Variants in TTLL6 observed in about 807,000 individuals in gnomAD.
The protein encoded by TTLL6 is tubulin tyrosine ligase like 6.
A neutral mutation model predicts 96.4 loss-of-function variants in TTLL6; 75 were observed. The observed-to-expected ratio is 0.78, with a 90% confidence interval of 0.65 to 0.94. TTLL6 has a LOEUF of 0.94. TTLL6 is among the 40% of genes least tolerant of loss of function. The pLI is 0.00. For synonymous variants in TTLL6, 411 were observed against 419.4 expected, an observed-to-expected ratio of 0.98 and a Z score of 0.24; for missense variants, 1,030 against 1,093.0, an observed-to-expected ratio of 0.94 and a Z score of 0.81.
chr17:48,801,580 T>C lies in TTLL6; in HGVS notation c.425A>G (p.Tyr142Cys), dbSNP rs1567733121. The C allele has an allele frequency of 2.6e-6, 4 of 1,551,772 alleles. No individual in the cohort carries two copies. Among genetic ancestry groups the C allele is most frequent in the South Asian group, 2.4e-5 (2 of 84,058 alleles). The change falls in exon 4 of 16, where the codon TAT becomes TGT. Residue 142 changes from tyrosine (Y) to cysteine (C), a missense_variant. By Grantham distance (194) the Tyr-to-Cys change is radical (BLOSUM62 -2). Transcript: ENST00000393382. ...EGGEDDDWTL[Y>C]WTDYSVSLER... The stretch of plus-strand genomic sequence containing the variant: ...CAGTGACACTGAGTAATCTGTCCAA[T>C]AGAGAGTCCAGTCATCGTCTTCCCC...
Position 48,768,739 on chromosome 17 carries a change from C to A in TTLL6, c.*250G>T, listed in dbSNP as rs140546880. 5.0e-3 allele frequency among the ~76,000 whole-genome samples: 755 copies of A among 152,110 alleles called. 5 individuals carry two copies. The highest frequency in any genetic ancestry group is 0.017 in the African/African-American group (698 of 41,480). ...AATTTTTTGTAGAGATGGGGTCTCCCTTATGTTGCCCAGGCTGGTCTCAAA... is the reference window on the plus strand; with the variant it reads ...AATTTTTTGTAGAGATGGGGTCTCCATTATGTTGCCCAGGCTGGTCTCAAA... On this transcript the variant is annotated intron_variant, in intron 15 of 15. Transcript: ENST00000393382.
intron 2 of TTLL6, 157 bp from the exon 3 acceptor site, chr17:48,804,085 T>A: frequency 2.8e-6 from 2 of 725,232 alleles, no homozygotes; most frequent in Non-Finnish European, 4.7e-6. Context: ...AGGACACGAG[T>A]CCAAGGGGGT....
chr17:48,805,827 AG>A (rs58988191), intron 1 of TTLL6, among the ~76,000 whole-genome samples: 1 of 151,818 alleles, frequency 6.6e-6, no homozygotes, highest in Admixed American at 6.6e-5. Context: ...ACAAAAAAAA[AG>A]GCTAGGCGCA....
At chr17:48,764,097 C>T (rs2038545051) in intron 15 of TTLL6, among the ~76,000 whole-genome samples, 1 of 152,062 alleles carries the variant, frequency 6.6e-6, no homozygotes, top group Admixed American at 6.5e-5. Context: ...GATAGTGCCA[C>T]TGCACTCCAG....
intron 1 of TTLL6, among the ~76,000 whole-genome samples, chr17:48,809,051 C>T (rs185094214): frequency 6.6e-6 from 1 of 152,228 alleles, no homozygotes; most frequent in Admixed American, 6.5e-5. Flanking sequence ...GTTCTCTGGG[C>T]TTTTCAAAGA....
intron 1 of TTLL6, among the ~76,000 whole-genome samples, chr17:48,807,985 C>T (rs1464491982): frequency 6.6e-6 from 1 of 151,928 alleles, no homozygotes; most frequent in African/African-American, 2.4e-5. Flanking sequence ...ATTACAGGCG[C>T]CCGCCACCAC....
chr17:48,768,087 A>G (rs924770015), intron 15 of TTLL6, among the ~76,000 whole-genome samples: 1 of 152,000 alleles, frequency 6.6e-6, no homozygotes, highest in African/African-American at 2.4e-5. Context: ...ATATTAATAC[A>G]TAGCAAGGGG....
At chr17:48,777,043 CACACA>C (rs2038886931) in intron 13 of TTLL6, among the ~76,000 whole-genome samples, 1 of 151,764 alleles carries the variant, frequency 6.6e-6, no homozygotes, top group Admixed American at 6.6e-5. Flanking sequence ...CACACACACA[CACACA>C]CCCCTAAAAA....
intron 6 of TTLL6, 150 bp from the exon 7 acceptor site, chr17:48,797,354 G>C (rs2039335520): frequency 1.2e-6 from 1 of 834,044 alleles, no homozygotes; most frequent in Admixed American, 2.9e-5. Context: ...AGAGGAACAA[G>C]GAGACTTGGG....
At chr17:48,779,032 T>C (rs2038936945) in intron 13 of TTLL6, among the ~76,000 whole-genome samples, 1 of 151,772 alleles carries the variant, frequency 6.6e-6, no homozygotes, top group Non-Finnish European at 1.5e-5. Flanking sequence ...GCTCAGGAAT[T>C]TGAGGTTGCA....
intron 1 of TTLL6, among the ~76,000 whole-genome samples, chr17:48,815,112 C>T (rs1035294107): frequency 3.3e-5 from 5 of 152,112 alleles, no homozygotes; most frequent in African/African-American, 9.7e-5. Flanking sequence ...TGAATGAACA[C>T]GGGCATCCTA....
At chr17:48,784,731 C>T (rs147225903) in intron 13 of TTLL6, among the ~76,000 whole-genome samples, 192 bp downstream of exon 13, 248 of 152,296 alleles carry the variant, frequency 1.6e-3, no homozygotes, top group Admixed American at 4.1e-3. Context: ...AGGGGACGCA[C>T]AAGAGCATCT....
intron 1 of TTLL6, chr17:48,815,660 C>G (rs951319654): frequency 3.9e-5 from 6 of 152,184 alleles, no homozygotes; most frequent in Non-Finnish European, 5.9e-5. Context: ...TTTAGTCACA[C>G]TTTGAATTTC....
intron 3 of TTLL6, among the ~76,000 whole-genome samples, chr17:48,801,978 G>A (rs1363908116): frequency 2.6e-5 from 4 of 151,374 alleles, no homozygotes; most frequent in East Asian, 1.9e-4. Context: ...CCTGGAAGTC[G>A]AGGCTGCAGT....
chr17:48,802,142 GA>G (rs2039437169), intron 3 of TTLL6, among the ~76,000 whole-genome samples: 8 of 113,116 alleles, frequency 7.1e-5, no homozygotes, highest in African/African-American at 2.7e-4. Flanking sequence ...AAGAAAGAAA[GA>G]AAGAAAGAAA....
chr17:48,804,859 G>A lies in TTLL6; in HGVS notation c.236C>T (p.Ala79Val). The change falls in exon 2 of 16, where the codon GCG becomes GTG. Residue 79 changes from alanine (A) to valine (V), a missense_variant. Physicochemically the swap from Ala to Val is moderately conservative, Grantham distance 64. Coordinates refer to ENST00000393382, the MANE Select transcript of TTLL6 (RefSeq NM_001130918.3). ...SSKEDPKETV[A>V]LAFVRENPGA... Reference sequence around the variant, plus strand: ...TGGGTTCTCTCTCACAAAAGCCAGCGCGACGGTTTCTTTTGGATCTTCTTT... The same window carrying A: ...TGGGTTCTCTCTCACAAAAGCCAGCACGACGGTTTCTTTTGGATCTTCTTT... 1.3e-6 allele frequency: 2 copies of A among 1,552,332 alleles called. No homozygotes were observed.
Position 48,770,510 on chromosome 17 carries a change from G to A in TTLL6, c.2041-413C>T, listed in dbSNP as rs11652327. ...AACAATAGGTATTATTATTGTTGTT[G>A]TTATTATTATTATTATTATTATTTG... is the stretch of plus-strand genomic sequence containing the variant. On this transcript the variant is annotated intron_variant, in intron 13 of 15. Transcript: ENST00000393382. 7.2e-4 allele frequency among the ~76,000 whole-genome samples: 107 copies of A among 147,850 alleles called. No homozygotes were observed. In the East Asian group the frequency reaches 9.1e-3, roughly 13 times the overall value.
intron 8 of TTLL6, among the ~76,000 whole-genome samples, chr17:48,792,651 G>A (rs540109725): frequency 2.0e-5 from 3 of 152,238 alleles, no homozygotes; most frequent in Admixed American, 2.0e-4. Flanking sequence ...CTCTGTCATG[G>A]GAAGCCTCAG....
At chr17:48,791,343 G>A (rs772739993) in intron 9 of TTLL6, 35 bp downstream of exon 9, 7 of 1,578,062 alleles carry the variant, frequency 4.4e-6, no homozygotes, top group Admixed American at 1.7e-5. Context: ...CCAATAACAG[G>A]AGTTCGTTTT....
Sources: allele counts gnomAD v4.1 joint callset (sites outside exome capture counted in the v4.1 genomes callset), GRCh38; gene constraint gnomAD v4.1.1; transcripts MANE v1.5; gene names NCBI Gene and HGNC (gene_info 2026-07-23, HGNC 2026-07-21).